Variants in KIF16B observed in about 807,000 individuals in gnomAD.
The protein encoded by KIF16B is kinesin-like protein KIF16B.
Under a neutral mutation model 156.3 loss-of-function variants are expected in KIF16B, and 98 were observed. The observed-to-expected ratio is 0.63, with a 90% CI of 0.53 to 0.74. The LOEUF (loss-of-function observed/expected upper bound fraction) is 0.74. KIF16B is among the 30% of genes least tolerant of loss of function. The pLI is 0.00. For synonymous variants in KIF16B, 564 were observed against 583.7 expected (o/e 0.97, Z 0.49); for missense variants, 1,421 against 1,606.5 (o/e 0.88, Z 1.97).
intron 22 of KIF16B, among the ~76,000 whole-genome samples, chr20:16,360,879 A>C (rs1247427225): frequency 6.6e-6 from 1 of 152,206 alleles, no homozygotes; most frequent in East Asian, 1.9e-4. Context: ...ATGAACAGGA[A>C]GCGGCACTTA....
At chr20:16,345,843 A>G (rs2064223452) in intron 23 of KIF16B, among the ~76,000 whole-genome samples, 2 of 152,222 alleles carry the variant, frequency 1.3e-5, no homozygotes, top group African/African-American at 4.8e-5. Context: ...TGCTCTTGGG[A>G]GAACACAATA....
chr20:16,338,597 C>G (rs2064083740), intron 23 of KIF16B, among the ~76,000 whole-genome samples: 1 of 152,156 alleles, frequency 6.6e-6, no homozygotes, highest in Non-Finnish European at 1.5e-5. Flanking sequence ...CTCATAAGCA[C>G]AAAACCTCAA....
rs780905632 is a variant in KIF16B, at chr20:16,515,548, A to C, written c.348T>G (p.Ser116=). 6.6e-7 allele frequency: 1 copy of C among 1,506,128 alleles called. No homozygotes were observed. The allele number at this position is 1,506,128 out of a possible 1,614,324, so 93.3% of individuals were successfully genotyped here. ...TTCCCACACAGTATAAACAACGTAC[A>C]GAATTTCCCATCATAGTGTATGACT... ...SGKSYTMMGN[S]GDSGLIPRIC... The change falls in exon 4 of 26, where the codon TCT becomes TCG. Residue 116 remains serine, a splice_region_variant and synonymous_variant. Coordinates refer to ENST00000354981, the MANE Select transcript of KIF16B (RefSeq NM_024704.5).
chr20:16,483,582 T>A (rs557375788), intron 12 of KIF16B, among the ~76,000 whole-genome samples: 2 of 152,172 alleles, frequency 1.3e-5, no homozygotes, highest in East Asian at 1.9e-4. Context: ...ATGCTCACAG[T>A]GCTGACCATG....
intron 3 of KIF16B, among the ~76,000 whole-genome samples, chr20:16,520,661 C>A (rs1295874692): frequency 6.6e-6 from 1 of 152,224 alleles, no homozygotes; most frequent in Non-Finnish European, 1.5e-5. Flanking sequence ...GATCTCCCAG[C>A]ACAGCACTCA....
intron 24 of KIF16B, among the ~76,000 whole-genome samples, chr20:16,326,643 T>A (rs2063855065): frequency 6.6e-6 from 1 of 151,966 alleles, no homozygotes; most frequent in Non-Finnish European, 1.5e-5. Context: ...CCTGCAAGGA[T>A]GGCCATAATT....
chr20:16,508,235 G>A (rs1366910529), intron 6 of KIF16B, 135 bp from the exon 7 acceptor site: 6 of 985,578 alleles, frequency 6.1e-6, no homozygotes, highest in Admixed American at 4.7e-5. Flanking sequence ...TCTCTCTAGG[G>A]TGGTGGTATG....
Position 16,550,881 on chromosome 20 carries a change from A to T in KIF16B, c.47+22348T>A, listed in dbSNP as rs374818186. Among the ~76,000 whole-genome samples, 32 of 152,074 alleles carry T rather than the reference A, an allele frequency of 2.1e-4. 1 individual carries two copies. The East Asian group carries it at 5.8e-3, about 28-fold the overall frequency. ...TTTAAAATAGCATCCCAGGGCTAGA[A>T]CGGGTGTTCTAAAACATTTTTAATT... On this transcript the variant is annotated intron_variant, in intron 1 of 25. Coordinates refer to ENST00000354981, the MANE Select transcript of KIF16B (RefSeq NM_024704.5).
chr20:16,404,419 G>C (rs1034951565), intron 17 of KIF16B, among the ~76,000 whole-genome samples: 1 of 152,092 alleles, frequency 6.6e-6, no homozygotes, highest in Non-Finnish European at 1.5e-5. Flanking sequence ...CCATTGGATG[G>C]CCTAAGAATC....
chr20:16,336,728 C>T (rs938841964), intron 23 of KIF16B, among the ~76,000 whole-genome samples: 2 of 152,216 alleles, frequency 1.3e-5, no homozygotes, highest in Admixed American at 6.5e-5. Context: ...AAGCATTCTA[C>T]CACCACCTAC....
intron 25 of KIF16B, among the ~76,000 whole-genome samples, chr20:16,277,758 C>G (rs922552873): frequency 1.3e-5 from 2 of 152,108 alleles, no homozygotes; most frequent in East Asian, 1.9e-4. Flanking sequence ...GTGACTTATC[C>G]AGGTCAGAAG....
At chr20:16,399,714 C>T (rs1257772535) in intron 17 of KIF16B, among the ~76,000 whole-genome samples, 1 of 152,172 alleles carries the variant, frequency 6.6e-6, no homozygotes, top group African/African-American at 2.4e-5. Flanking sequence ...ACTCATTATC[C>T]TCCCTTCCTC....
In KIF16B at chr20:16,505,807, T is replaced by C; in HGVS notation, c.915A>G (p.Gln305=). The C allele has an allele frequency of 1.2e-6, 2 of 1,613,990 alleles. No homozygotes were observed. The highest frequency in any genetic ancestry group is 1.7e-6 in the Non-Finnish European group (2 of 1,179,914). The part of the protein sequence containing the change: ...DAANTLAKKK[Q]VFVPYRDSVL... ...CAGAATCCCTGTAAGGCACGAAAAC[T>C]TGCTTCTTCTTTGCAAGAGTATTTG... The change falls in exon 9 of 26, where the codon CAA becomes CAG. Residue 305 remains glutamine, a synonymous_variant. Coordinates refer to ENST00000354981, the MANE Select transcript of KIF16B (RefSeq NM_024704.5).
intron 23 of KIF16B, among the ~76,000 whole-genome samples, chr20:16,339,174 C>T (rs964527396): frequency 2.0e-5 from 3 of 152,056 alleles, no homozygotes; most frequent in Non-Finnish European, 4.4e-5. Flanking sequence ...ACCATTCCAC[C>T]CAGACTACTC....
chr20:16,405,010 A>G (rs2065746996), intron 16 of KIF16B, 109 bp from the exon 17 acceptor site: 1 of 720,912 alleles, frequency 1.4e-6, no homozygotes, highest in Non-Finnish European at 2.4e-6. Flanking sequence ...ACATGCTCCT[A>G]ATTAACACGC....
intron 15 of KIF16B, among the ~76,000 whole-genome samples, chr20:16,419,506 C>A (rs2066172135): frequency 6.6e-6 from 1 of 152,258 alleles, no homozygotes; most frequent in African/African-American, 2.4e-5. Flanking sequence ...TGCAGACAAT[C>A]ATCTGTTCCC....
chr20:16,403,130 A>G (rs1472376068), intron 17 of KIF16B, among the ~76,000 whole-genome samples: 1 of 152,208 alleles, frequency 6.6e-6, no homozygotes, highest in Non-Finnish European at 1.5e-5. Context: ...GTGGAGGATA[A>G]TAACGATAGT....
intron 12 of KIF16B, among the ~76,000 whole-genome samples, chr20:16,483,022 C>T (rs1395015703): frequency 6.6e-6 from 1 of 152,162 alleles, no homozygotes; most frequent in Non-Finnish European, 1.5e-5. Flanking sequence ...TACAGTGTCT[C>T]CTTGGCCCCA....
rs375174260 is a variant in KIF16B at position 16,370,425 on chromosome 20, G to A, written c.3498+161C>T. ...AAGCAGTTTCAAACTACAGGATTCC[G>A]TTTAATTTTAAGTCCATATAATAGC... On this transcript the variant is annotated intron_variant, in intron 22 of 25. Coordinates refer to ENST00000354981, the MANE Select transcript of KIF16B (RefSeq NM_024704.5). Among the ~76,000 whole-genome samples, 21 of 152,226 alleles carry A rather than the reference G, an allele frequency of 1.4e-4. No homozygotes were observed. The East Asian group carries it at 2.7e-3, about 20-fold the overall frequency.
Sources: gnomAD v4.1 joint callset for allele counts (sites outside exome capture counted in the v4.1 genomes callset) on GRCh38, gnomAD v4.1.1 for gene constraint, MANE v1.5 for transcripts, NCBI Gene and HGNC (gene_info 2026-07-23, HGNC 2026-07-21) for gene names.